Variants in STAB2 observed in about 807,000 individuals in gnomAD.
STAB2 encodes stabilin 2.
STAB2 carries 288 observed loss-of-function variants against 338.1 expected under a neutral mutation model. The ratio of observed to expected loss-of-function variants is 0.85; its 90% CI spans 0.77 to 0.94. STAB2 has a LOEUF of 0.94. Ranked by LOEUF, STAB2 falls within the 40% of genes least tolerant of loss-of-function variation. The pLI, the probability that STAB2 is intolerant of heterozygous loss-of-function variation, is 0.00. For synonymous variants in STAB2, 1,202 were observed against 1,193.3 expected (o/e 1.01, Z -0.15); for missense variants, 3,141 against 3,210.1 (o/e 0.98, Z 0.52).
At position 103,759,272 on chromosome 12, in the gene STAB2, C is replaced by T. The variant is rs200872873; in HGVS notation, c.7247C>T (p.Pro2416Leu). ...LITASQDPLQ[P>L]TETRFVDGRA... ...ACTGCCAGCCAGGACCCACTCCAAC[C>T]GGTACAAAGTCTTCTGGGCTTCTTG... Residue 2416 changes from proline to leucine, a missense_variant and splice_region_variant, in exon 65 of 69, where the codon CCG becomes CTG. Physicochemically the swap from Pro to Leu is moderately conservative, Grantham distance 98. Transcript: ENST00000388887. 1.4e-5 allele frequency: 23 copies of T among 1,613,806 alleles called. No individual in the cohort carries two copies. Among genetic ancestry groups the T allele is most frequent in the South Asian group, 7.7e-5 (7 of 91,040 alleles).
chr12:103,740,765 G>A lies in STAB2; in HGVS notation c.5881+9G>A, dbSNP rs776031936. 8.9e-6 allele frequency: 14 copies of A among 1,564,318 alleles called. No individual in the cohort carries two copies. Among genetic ancestry groups the A allele is most frequent in the Non-Finnish European group, 1.1e-5 (13 of 1,161,292 alleles). ...CGGGCGAGACTGTCAGGGTGAGGGT[G>A]CCTCTTCCCCCCTCGCAACTCTAAA... On this transcript the variant is annotated intron_variant, in intron 55 of 68. Coordinates refer to ENST00000388887, the MANE Select transcript of STAB2 (RefSeq NM_017564.10).
chr12:103,742,646 C>T, intron 56 of STAB2, 92 bp downstream of exon 56: 1 of 1,560,866 alleles, frequency 6.4e-7, no homozygotes, highest in East Asian at 2.2e-5. Flanking sequence ...TGGAGGCATC[C>T]TTTTGTCCTT....
intron 59 of STAB2, among the ~76,000 whole-genome samples, chr12:103,750,143 T>C (rs1198937919): frequency 6.6e-6 from 1 of 152,248 alleles, no homozygotes. Context: ...GCACCTACTA[T>C]GTGCTCTTGC....
intron 15 of STAB2, among the ~76,000 whole-genome samples, chr12:103,658,778 A>T (rs899241321): frequency 1.3e-5 from 2 of 152,110 alleles, no homozygotes; most frequent in Admixed American, 1.3e-4. Flanking sequence ...TATGCCCCAC[A>T]CTGCACTTGC....
In STAB2 at chr12:103,690,526, A is replaced by T. The variant is rs755060739; in HGVS notation, c.3285A>T (p.Ala1095=). ...TSLQGNFLHL[A]KVDGNITIEG... ...TGCAGGGCAACTTCCTTCACTTGGC[A>T]AAGGTGGATGGGGTAAGAGCTCTGG... is the stretch of plus-strand genomic sequence containing the variant. Residue 1095 remains alanine (A), a synonymous_variant, in exon 30 of 69, where the codon GCA becomes GCT. Coordinates refer to ENST00000388887, the MANE Select transcript of STAB2 (RefSeq NM_017564.10). The T allele has an allele frequency of 6.2e-7, 1 of 1,613,978 alleles. No homozygotes were observed. Among genetic ancestry groups the T allele is most frequent in the Non-Finnish European group, 8.5e-7 (1 of 1,179,892 alleles).
chr12:103,695,254 C>G lies in STAB2; in HGVS notation c.3376-296C>G, dbSNP rs148086043. Among the ~76,000 whole-genome samples, 995 of 152,276 alleles carry G rather than the reference C, an allele frequency of 6.5e-3. 15 individuals carry two copies. The highest frequency in any genetic ancestry group is 0.023 in the African/African-American group (945 of 41,540). On this transcript the variant is annotated intron_variant, in intron 31 of 68. Coordinates refer to ENST00000388887, the MANE Select transcript of STAB2 (RefSeq NM_017564.10). ...CTCTGACAAGGTAGATTAATGCGAG[C>G]TGGAATTAATTACTTAGGAGAAGCT...
intron 22 of STAB2, among the ~76,000 whole-genome samples, chr12:103,671,476 T>C (rs1298248412): frequency 2.0e-5 from 3 of 152,126 alleles, no homozygotes; most frequent in Non-Finnish European, 4.4e-5. Context: ...ATTCACTCCC[T>C]ACCTTTCAGG....
In STAB2 at chr12:103,749,603, A is replaced by T. The variant is rs529722277; in HGVS notation, c.6438+447A>T. Among the ~76,000 whole-genome samples, 4 of 151,474 alleles carry T rather than the reference A, an allele frequency of 2.6e-5. No individual in the cohort carries two copies. The South Asian group carries it at 8.4e-4, about 32-fold the overall frequency. On this transcript the variant is annotated intron_variant, in intron 59 of 68. Transcript: ENST00000388887. ...CCAGTACTTTGGGAGGCCGAGGCAG[A>T]TGGATCACGAGGTCAGGAGATCAAG...
intron 56 of STAB2, among the ~76,000 whole-genome samples, chr12:103,744,017 A>C (rs1882798700): frequency 6.6e-6 from 1 of 152,226 alleles, no homozygotes; most frequent in Non-Finnish European, 1.5e-5. Flanking sequence ...CTGTAGGAGA[A>C]CAGGCACAGA....
intron 38 of STAB2, 66 bp downstream of exon 38, chr12:103,707,053 G>A (rs750075926): frequency 1.3e-6 from 2 of 1,564,234 alleles, no homozygotes; most frequent in Non-Finnish European, 1.7e-6. Context: ...TGCAGGGAAA[G>A]AGTGATCCCA....
intron 44 of STAB2, 144 bp from the exon 45 acceptor site, chr12:103,724,831 C>T (rs1488879787): frequency 1.4e-6 from 2 of 1,441,212 alleles, no homozygotes; most frequent in African/African-American, 2.8e-5. Flanking sequence ...AAGGCAAGCT[C>T]AGGAAAAGGA....
At chr12:103,623,336 G>A (rs986009849) in intron 5 of STAB2, among the ~76,000 whole-genome samples, 23 of 152,218 alleles carry the variant, frequency 1.5e-4, no homozygotes, top group African/African-American at 4.8e-4. Flanking sequence ...CTGGGAATAT[G>A]GTACCTTACA....
chr12:103,607,296 T>C (rs1472835542), intron 3 of STAB2, among the ~76,000 whole-genome samples: 3 of 152,196 alleles, frequency 2.0e-5, no homozygotes, highest in African/African-American at 7.2e-5. Flanking sequence ...ATTAAAATGT[T>C]TGAAGTTGTC....
At chr12:103,596,494 C>G (rs996073171) in intron 3 of STAB2, among the ~76,000 whole-genome samples, 1 of 152,148 alleles carries the variant, frequency 6.6e-6, no homozygotes, top group Non-Finnish European at 1.5e-5. Context: ...AAAAGTCCTA[C>G]TTTACAAAAC....
intron 49 of STAB2, among the ~76,000 whole-genome samples, chr12:103,730,808 G>T (rs573748696): frequency 6.3e-4 from 96 of 152,240 alleles, no homozygotes; most frequent in African/African-American, 2.2e-3. Flanking sequence ...CAGCAATCCG[G>T]GAGGCCAAGA....
At position 103,695,581 on chromosome 12, in the gene STAB2, C is replaced by T. The variant is rs762075718; in HGVS notation, c.3407C>T (p.Ser1136Phe). The T allele has an allele frequency of 6.2e-6, 10 of 1,614,066 alleles. No individual in the cohort carries two copies. Among genetic ancestry groups the T allele is most frequent in the Non-Finnish European group, 8.5e-6 (10 of 1,180,034 alleles). ...VLVPQRRLTG[S>F]LPNLLMRLEQ... Reference sequence around the variant, plus strand: ...GTCCCACAAAGACGTCTAACTGGCTCCTTACCAAACCTGCTCATGCGGCTG... The same window carrying T: ...GTCCCACAAAGACGTCTAACTGGCTTCTTACCAAACCTGCTCATGCGGCTG... Residue 1136 changes from serine to phenylalanine, a missense_variant, in exon 32 of 69, where the codon TCC becomes TTC. Ser to Phe is a radical substitution (Grantham distance 155). Coordinates refer to ENST00000388887, the MANE Select transcript of STAB2 (RefSeq NM_017564.10).
intron 48 of STAB2, among the ~76,000 whole-genome samples, chr12:103,729,529 A>G (rs1371465861): frequency 6.6e-6 from 1 of 152,226 alleles, no homozygotes; most frequent in Non-Finnish European, 1.5e-5. Flanking sequence ...CTTGATATAG[A>G]CAGTGTTAAT....
At chr12:103,615,149 G>A (rs1957189491) in intron 3 of STAB2, among the ~76,000 whole-genome samples, 1 of 152,200 alleles carries the variant, frequency 6.6e-6, no homozygotes, top group African/African-American at 2.4e-5. Context: ...TGAGGGTAGG[G>A]ATGATTTTTC....
intron 22 of STAB2, among the ~76,000 whole-genome samples, 198 bp from the exon 23 acceptor site, chr12:103,673,709 G>A (rs1368883523): frequency 6.6e-6 from 1 of 152,186 alleles, no homozygotes; most frequent in East Asian, 1.9e-4. Context: ...GCTCTCCAGG[G>A]CTGTCCCAGG....
Sources: gnomAD v4.1 joint callset for allele counts (sites outside exome capture counted in the v4.1 genomes callset) on GRCh38, gnomAD v4.1.1 for gene constraint, MANE v1.5 for transcripts, NCBI Gene and HGNC (gene_info 2026-07-23, HGNC 2026-07-21) for gene names.